Variants in NRG1 observed in about 807,000 individuals in gnomAD.
The protein encoded by NRG1 is pro-neuregulin-1, membrane-bound isoform.
NRG1 carries 18 observed loss-of-function variants against 63.8 expected under a neutral mutation model. That is an observed-to-expected ratio of 0.28 (90% CI 0.19 to 0.42). The LOEUF is 0.42. Among genes scored for constraint, NRG1 ranks in the 10% least tolerant of loss-of-function variants. The pLI is 1.00. For missense variants in NRG1, 762 were observed against 814.7 expected (o/e 0.94, Z 0.79); for synonymous variants, 302 against 301.3 (o/e 1.00, Z -0.02).
chr8:31,805,788 AGGGCACTCCAGCCT>A (rs1199727947), intron 1 of NRG1, among the ~76,000 whole-genome samples: 1 of 137,492 alleles, frequency 7.3e-6, no homozygotes, highest in Non-Finnish European at 1.5e-5. Flanking sequence ...AGATTGCGCC[AGGGCACTCCAGCCT>A]GGGCAACCGA....
At chr8:32,389,759 C>CTT (rs201406660) in intron 1 of NRG1, among the ~76,000 whole-genome samples, 2 of 145,798 alleles carry the variant, frequency 1.4e-5, no homozygotes, top group South Asian at 2.2e-4. Flanking sequence ...GTCTTTCTTT[C>CTT]TTTTTTTTTT....
At chr8:31,944,171 C>T (rs1231524806) in intron 1 of NRG1, among the ~76,000 whole-genome samples, 3 of 152,022 alleles carry the variant, frequency 2.0e-5, no homozygotes, top group Non-Finnish European at 4.4e-5. Context: ...GCTCTGAGTT[C>T]GCAGAATAAC....
intron 1 of NRG1, among the ~76,000 whole-genome samples, chr8:32,323,898 C>T (rs535533916): frequency 6.6e-6 from 1 of 152,282 alleles, no homozygotes; most frequent in East Asian, 1.9e-4. Context: ...CAAAGTCCAC[C>T]TTGGAATAAT....
chr8:31,840,725 A>C (rs773227529), intron 1 of NRG1, among the ~76,000 whole-genome samples: 4 of 152,190 alleles, frequency 2.6e-5, no homozygotes, highest in Non-Finnish European at 5.9e-5. Context: ...GACGGAGGTT[A>C]CATAATTATA....
At chr8:31,822,338 C>T (rs1024870052) in intron 1 of NRG1, among the ~76,000 whole-genome samples, 2 of 151,818 alleles carry the variant, frequency 1.3e-5, no homozygotes, top group African/African-American at 4.8e-5. Context: ...TTTCTATAAC[C>T]AACCAGTTTC....
At chr8:32,521,694 G>C (rs2129505926) in intron 1 of NRG1, among the ~76,000 whole-genome samples, 1 of 152,294 alleles carries the variant, frequency 6.6e-6, no homozygotes, top group African/African-American at 2.4e-5. Flanking sequence ...GATTGAAACT[G>C]AGTGAAAATA....
rs146917607 is a variant in NRG1, at chr8:31,713,267, C to A, written c.37+73836C>A. On this transcript the variant is annotated intron_variant, in intron 1 of 10. Transcript: ENST00000519301. ...GAGTAGCTGGGACTACAGGCGCCCA[C>A]CACCAAGCCCGGCTAATTTTTTGTA... 4.5e-3 allele frequency among the ~76,000 whole-genome samples: 685 copies of A among 151,990 alleles called. 10 individuals carry two copies. The highest frequency in any genetic ancestry group is 0.015 in the African/African-American group (641 of 41,468).
At chr8:32,700,553 A>G (rs1039414656) in intron 5 of NRG1, among the ~76,000 whole-genome samples, 3 of 152,162 alleles carry the variant, frequency 2.0e-5, no homozygotes, top group Admixed American at 2.0e-4. Flanking sequence ...TTCAACTAGT[A>G]TTATCTTTTC....
At chr8:31,852,861 T>C (rs1827400133) in intron 1 of NRG1, among the ~76,000 whole-genome samples, 1 of 152,226 alleles carries the variant, frequency 6.6e-6, no homozygotes, top group Non-Finnish European at 1.5e-5. Flanking sequence ...ATTTATTAAA[T>C]AGAGAATCCT....
chr8:32,716,446 C>T (rs920418063), intron 5 of NRG1, among the ~76,000 whole-genome samples: 25 of 152,054 alleles, frequency 1.6e-4, no homozygotes, highest in African/African-American at 4.4e-4. Flanking sequence ...ATGCTTGCAG[C>T]GTCTACAAAA....
At chr8:32,634,118 AGG>A in intron 5 of NRG1, among the ~76,000 whole-genome samples, 31 of 150,164 alleles carry the variant, frequency 2.1e-4, no homozygotes, top group African/African-American at 6.9e-4. Flanking sequence ...AAAAAAAAAA[AGG>A]TTGCATAAAG....
At chr8:32,243,925 A>T (rs943372345) in intron 1 of NRG1, among the ~76,000 whole-genome samples, 2 of 152,180 alleles carry the variant, frequency 1.3e-5, no homozygotes, top group Non-Finnish European at 2.9e-5. Flanking sequence ...GTCTTCCTGC[A>T]CATTGATCCT....
chr8:31,868,197 T>G (rs1238327765), intron 1 of NRG1, among the ~76,000 whole-genome samples: 1 of 131,524 alleles, frequency 7.6e-6, no homozygotes, highest in South Asian at 2.5e-4. Flanking sequence ...CACACACAAA[T>G]AAGCCCTGAG....
intron 1 of NRG1, among the ~76,000 whole-genome samples, chr8:31,747,797 A>T (rs1349008849): frequency 1.3e-5 from 2 of 151,938 alleles, no homozygotes; most frequent in Non-Finnish European, 2.9e-5. Flanking sequence ...CTTGTTTCAA[A>T]TCCACATGTC....
intron 1 of NRG1, among the ~76,000 whole-genome samples, chr8:32,472,145 T>G (rs1312502254): frequency 6.6e-6 from 1 of 152,146 alleles, no homozygotes; most frequent in Non-Finnish European, 1.5e-5. Flanking sequence ...GGGAAGTTAC[T>G]TCCAAAGACT....
chr8:32,376,914 A>G (rs1193481466), intron 1 of NRG1, among the ~76,000 whole-genome samples: 1 of 152,232 alleles, frequency 6.6e-6, no homozygotes, highest in Non-Finnish European at 1.5e-5. Context: ...ATATCAGTTT[A>G]ACAAGGAGCC....
intron 1 of NRG1, among the ~76,000 whole-genome samples, chr8:32,017,605 G>C (rs1230432922): frequency 6.6e-6 from 1 of 152,130 alleles, no homozygotes; most frequent in African/African-American, 2.4e-5. Context: ...TATAAATCAG[G>C]GTTCCCATGA....
intron 5 of NRG1, among the ~76,000 whole-genome samples, chr8:32,656,592 T>C (rs1167767533): frequency 6.6e-6 from 1 of 152,192 alleles, no homozygotes; most frequent in Non-Finnish European, 1.5e-5. Context: ...TATATGTATT[T>C]TTATTTATTC....
intron 5 of NRG1, among the ~76,000 whole-genome samples, chr8:32,671,439 T>C (rs933812690): frequency 1.3e-5 from 2 of 152,196 alleles, no homozygotes; most frequent in Non-Finnish European, 2.9e-5. Flanking sequence ...ATTAGAAGTT[T>C]CCTGGGGATA....
Sources: allele counts gnomAD v4.1 joint callset (sites outside exome capture counted in the v4.1 genomes callset), GRCh38; gene constraint gnomAD v4.1.1; transcripts MANE v1.5; gene names NCBI Gene and HGNC (gene_info 2026-07-23, HGNC 2026-07-21).